Variants in SLC27A6 observed in about 807,000 individuals in gnomAD.
SLC27A6 encodes the protein long-chain fatty acid transport protein 6.
SLC27A6 carries 74 observed loss-of-function variants against 63.9 expected under a neutral mutation model. The ratio of observed to expected loss-of-function variants is 1.16; its 90% CI spans 0.96 to 1.40. SLC27A6 has a LOEUF of 1.40. Ranked by LOEUF, SLC27A6 falls within the 40% of genes most tolerant of loss-of-function variation. The pLI, the probability that SLC27A6 is intolerant of heterozygous loss-of-function variation, is 0.00. For missense variants in SLC27A6, 794 were observed against 732.9 expected (o/e 1.08, Z -0.96); for synonymous variants, 287 against 260.8 (o/e 1.10, Z -0.97).
intron 1 of SLC27A6, 89 bp downstream of exon 1, chr5:128,966,707 A>G (rs1749918384): frequency 1.5e-6 from 2 of 1,294,944 alleles, no homozygotes; most frequent in African/African-American, 1.5e-5. Flanking sequence ...ATTCGTAACT[A>G]ATATTTTGGG....
At chr5:129,028,543 G>A (rs752236548) in intron 8 of SLC27A6, 101 bp downstream of exon 8, 161 of 685,650 alleles carry the variant, frequency 2.3e-4, no homozygotes, top group Non-Finnish European at 3.6e-4. Context: ...TAATTTTTGT[G>A]TATTAAGATA....
At chr5:129,022,864 C>T (rs1752120779) in intron 5 of SLC27A6, among the ~76,000 whole-genome samples, 1 of 152,022 alleles carries the variant, frequency 6.6e-6, no homozygotes. Flanking sequence ...TTGGACTAAA[C>T]CAGTCTGCAG....
intron 8 of SLC27A6, 63 bp from the exon 9 acceptor site, chr5:129,029,514 C>G: frequency 8.7e-7 from 1 of 1,149,450 alleles, no homozygotes; most frequent in Admixed American, 2.4e-5. Flanking sequence ...TTAGCATGTA[C>G]AGAATTATCT....
chr5:128,982,241 A>G (rs1684925032), intron 1 of SLC27A6, among the ~76,000 whole-genome samples: 1 of 152,124 alleles, frequency 6.6e-6, no homozygotes, highest in Non-Finnish European at 1.5e-5. Flanking sequence ...TCCTACCACT[A>G]TTGAAGAAAT....
rs766775707 is a variant in SLC27A6 at position 129,015,986 on chromosome 5, G to A, written c.1071G>A (p.Val357=). The change falls in exon 5 of 10, where the codon GTG becomes GTA. Residue 357 remains valine (V), a synonymous_variant. Transcript: ENST00000262462. The part of the protein sequence containing the change: ...EFLDRFGNIK[V]CELYAATESS... ...TAGACAGATTTGGAAATATAAAGGT[G>A]TGTGAACTTTATGCAGCTACCGAAT... The A allele has an allele frequency of 1.2e-6, 2 of 1,610,190 alleles. No individual in the cohort carries two copies. Among genetic ancestry groups the A allele is most frequent in the Non-Finnish European group, 8.5e-7 (1 of 1,178,238 alleles).
intron 1 of SLC27A6, among the ~76,000 whole-genome samples, chr5:128,970,569 A>T (rs1750108446): frequency 6.6e-6 from 1 of 152,044 alleles, no homozygotes; most frequent in Non-Finnish European, 1.5e-5. Flanking sequence ...GTATTCTCTG[A>T]TGGTCGTTTG....
At chr5:128,997,438 A>G (rs1379432893) in intron 4 of SLC27A6, among the ~76,000 whole-genome samples, 3 of 152,200 alleles carry the variant, frequency 2.0e-5, no homozygotes, top group Non-Finnish European at 4.4e-5. Flanking sequence ...GTAAGCTGCC[A>G]GAAACTCTTT....
intron 1 of SLC27A6, among the ~76,000 whole-genome samples, chr5:128,974,870 C>T (rs949350246): frequency 2.0e-5 from 3 of 152,200 alleles, no homozygotes; most frequent in African/African-American, 7.2e-5. Context: ...TGTAAAGTGG[C>T]TAGCTGAGTG....
At chr5:129,006,964 CATT>C (rs1751561878) in intron 4 of SLC27A6, among the ~76,000 whole-genome samples, 3 of 151,994 alleles carry the variant, frequency 2.0e-5, no homozygotes, top group African/African-American at 7.3e-5. Flanking sequence ...AATTGACCAT[CATT>C]ATGTACAGCA....
At chr5:128,969,068 G>A (rs1407743120) in intron 1 of SLC27A6, among the ~76,000 whole-genome samples, 1 of 152,104 alleles carries the variant, frequency 6.6e-6, no homozygotes, top group Non-Finnish European at 1.5e-5. Flanking sequence ...AAGATCAGAT[G>A]GCTGTAGATG....
In SLC27A6 at chr5:128,966,450, GGGGA is replaced by G. The variant is rs769812107; in HGVS notation, c.314_317del (p.Gly105AlafsTer6). ...CCTGAACCATTCCTCTCTGAAAAAG[GGGGA>G]CACGGTGGCTCTGCTGATGAGCAAT... is the stretch of plus-strand genomic sequence containing the variant. On this transcript the variant is annotated frameshift_variant, in exon 1 of 10. Transcript: ENST00000262462. LOFTEE classifies it high-confidence loss of function. The G allele has an allele frequency of 6.2e-7, 1 of 1,607,156 alleles. No individual in the cohort carries two copies. The highest frequency in any genetic ancestry group is 1.7e-5 in the Admixed American group (1 of 59,066).
chr5:128,995,046 A>G (rs1751110128), intron 4 of SLC27A6, among the ~76,000 whole-genome samples: 1 of 152,246 alleles, frequency 6.6e-6, no homozygotes, highest in Non-Finnish European at 1.5e-5. Flanking sequence ...AGACTAGGAA[A>G]GCAGCTCTCC....
intron 1 of SLC27A6, among the ~76,000 whole-genome samples, chr5:128,975,423 C>A (rs1197549833): frequency 6.6e-6 from 1 of 152,158 alleles, no homozygotes; most frequent in African/African-American, 2.4e-5. Flanking sequence ...TAGAGTGTAC[C>A]TACACGAACC....
Position 129,029,633 on chromosome 5 carries a change from G to A in SLC27A6, c.1609G>A (p.Asp537Asn). ...TATTTTAAAACCAAATACATCTTTA[G>A]ATTTGGAAAAAGTTTATGAACAAGT... Reference protein sequence around the residue: ...SIILKPNTSLDLEKVYEQVVT... With the variant: ...SIILKPNTSLNLEKVYEQVVT... Residue 537 changes from aspartate to asparagine, a missense_variant, in exon 9 of 10, where the codon GAT becomes AAT. Physicochemically the swap from Asp to Asn is conservative, Grantham distance 23 (BLOSUM62 1). Coordinates refer to ENST00000262462, the MANE Select transcript of SLC27A6 (RefSeq NM_001017372.3). 1 of 1,599,812 alleles carries A rather than the reference G, an allele frequency of 6.3e-7. No homozygotes were observed. Among genetic ancestry groups the A allele is most frequent in the Non-Finnish European group, 8.5e-7 (1 of 1,172,810 alleles).
At chr5:128,970,456 G>C (rs1035559492) in intron 1 of SLC27A6, among the ~76,000 whole-genome samples, 11 of 152,264 alleles carry the variant, frequency 7.2e-5, no homozygotes, top group Admixed American at 3.3e-4. Flanking sequence ...GGTCTATTCA[G>C]AGATTCAACT....
At chr5:128,981,375 G>T (rs1485614125) in intron 1 of SLC27A6, among the ~76,000 whole-genome samples, 1 of 151,950 alleles carries the variant, frequency 6.6e-6, no homozygotes, top group Non-Finnish European at 1.5e-5. Context: ...CAGCTACTTG[G>T]GAGGCTGAGG....
At chr5:129,019,262 A>C (rs989919126) in intron 5 of SLC27A6, among the ~76,000 whole-genome samples, 3 of 152,112 alleles carry the variant, frequency 2.0e-5, no homozygotes, top group Non-Finnish European at 4.4e-5. Context: ...ACTCAAGTAG[A>C]ATTATGAAGT....
chr5:128,965,953 G>T lies in SLC27A6; in HGVS notation c.-185G>T. 1 of 630,476 alleles carries T rather than the reference G, an allele frequency of 1.6e-6. No individual in the cohort carries two copies. The highest frequency in any genetic ancestry group is 2.4e-6 in the Non-Finnish European group (1 of 411,028). The allele number at this position is 630,476 out of a possible 1,614,324, so 39.1% of individuals were successfully genotyped here. The stretch of plus-strand genomic sequence containing the variant: ...CACCACTTGGGGCGACCTTTTCGGT[G>T]CAAACCTACGATTCTGTTTCTCAGG... On this transcript the variant is annotated 5_prime_UTR_variant, in exon 1 of 10. Coordinates refer to ENST00000262462, the MANE Select transcript of SLC27A6 (RefSeq NM_001017372.3).
intron 4 of SLC27A6, among the ~76,000 whole-genome samples, chr5:129,006,071 G>GTTTTTTTTTT (rs4068575): frequency 0.033 from 2,004 of 60,032 alleles, 525 homozygotes; most frequent in East Asian, 0.052. Flanking sequence ...TGTGCACACT[G>GTTTTTTTTTT]TTTTTTTTTT....
Sources: allele counts gnomAD v4.1 joint callset (sites outside exome capture counted in the v4.1 genomes callset), GRCh38; gene constraint gnomAD v4.1.1; transcripts MANE v1.5; gene names NCBI Gene and HGNC (gene_info 2026-07-23, HGNC 2026-07-21).